Variants in GALNT17 observed in about 807,000 individuals in gnomAD.
GALNT17 encodes UDP-GalNAc:polypeptide N-acetylgalactosaminyltransferase-like 3.
Under a neutral mutation model 63.7 loss-of-function variants are expected in GALNT17, and 29 were observed. The observed-to-expected ratio is 0.46, with a 90% CI of 0.34 to 0.62. The LOEUF is 0.62. Among genes scored for constraint, GALNT17 ranks in the 20% least tolerant of loss-of-function variants. GALNT17 has a pLI of 0.01. For synonymous variants in GALNT17, 305 were observed against 318.3 expected, an observed-to-expected ratio of 0.96 and a Z score of 0.45; for missense variants, 603 against 799.6, an observed-to-expected ratio of 0.75 and a Z score of 2.97.
At chr7:71,153,588 A>G (rs932267667) in intron 1 of GALNT17, among the ~76,000 whole-genome samples, 6 of 152,166 alleles carry the variant, frequency 3.9e-5, no homozygotes, top group Non-Finnish European at 8.8e-5. Flanking sequence ...CTAGAGGAAT[A>G]GGAAACAATT....
At chr7:71,657,815 G>A (rs902186862) in intron 6 of GALNT17, among the ~76,000 whole-genome samples, 1 of 152,078 alleles carries the variant, frequency 6.6e-6, no homozygotes, top group Non-Finnish European at 1.5e-5. Context: ...TAGGGCTGGG[G>A]TGGGATCCAG....
At chr7:71,377,110 A>AAT (rs1316601541) in intron 2 of GALNT17, among the ~76,000 whole-genome samples, 4 of 63,482 alleles carry the variant, frequency 6.3e-5, no homozygotes, top group African/African-American at 3.1e-4. Context: ...ATAAAAATAA[A>AAT]AAAAATATAT....
chr7:71,308,683 G>A (rs908206091), intron 1 of GALNT17, among the ~76,000 whole-genome samples: 9 of 152,000 alleles, frequency 5.9e-5, no homozygotes, highest in Non-Finnish European at 1.2e-4. Context: ...ACAGGTATTG[G>A]GGAAGACAAG....
rs909871770 is a variant in GALNT17 at position 71,388,888 on chromosome 7, A to G, written c.589+487A>G. Among the ~76,000 whole-genome samples the G allele has an allele frequency of 2.0e-5, 3 of 152,072 alleles. No individual in the cohort carries two copies. In the East Asian group the frequency reaches 5.8e-4, roughly 29 times the overall value. On this transcript the variant is annotated intron_variant, in intron 3 of 10. Coordinates refer to ENST00000333538, the MANE Select transcript of GALNT17 (RefSeq NM_022479.3). ...TAGTCTATTATTCCTTGAGTCCTCT[A>G]GAGCAGGGGTCCCCAACCCCAGGGC...
At chr7:71,461,683 G>A (rs1787452932) in intron 5 of GALNT17, among the ~76,000 whole-genome samples, 1 of 152,196 alleles carries the variant, frequency 6.6e-6, no homozygotes, top group Admixed American at 6.5e-5. Flanking sequence ...CCGCAGGGGA[G>A]GAATGAGGCA....
At chr7:71,475,356 G>GT (rs1293867124) in intron 5 of GALNT17, among the ~76,000 whole-genome samples, 1 of 152,174 alleles carries the variant, frequency 6.6e-6, no homozygotes, top group Non-Finnish European at 1.5e-5. Flanking sequence ...CCCTGAGCTT[G>GT]TTTTCCTGCA....
At chr7:71,227,764 T>A (rs1489964577) in intron 1 of GALNT17, among the ~76,000 whole-genome samples, 1 of 152,196 alleles carries the variant, frequency 6.6e-6, no homozygotes, top group Non-Finnish European at 1.5e-5. Flanking sequence ...AGCCATGAAT[T>A]TTTTTATGAG....
chr7:71,157,266 T>G (rs956793476), intron 1 of GALNT17, among the ~76,000 whole-genome samples: 1 of 152,110 alleles, frequency 6.6e-6, no homozygotes, highest in Admixed American at 6.5e-5. Context: ...TGTTGAGTTG[T>G]CATAAGGCTG....
At chr7:71,240,430 C>G (rs1200432384) in intron 1 of GALNT17, among the ~76,000 whole-genome samples, 2 of 152,110 alleles carry the variant, frequency 1.3e-5, no homozygotes, top group Non-Finnish European at 1.5e-5. Flanking sequence ...CCCTTCTTGT[C>G]TCCCTCTATT....
intron 1 of GALNT17, among the ~76,000 whole-genome samples, chr7:71,148,457 T>C (rs902236831): frequency 1.3e-5 from 2 of 152,184 alleles, no homozygotes; most frequent in African/African-American, 4.8e-5. Flanking sequence ...TGACCAACTT[T>C]GCTTCAAGAG....
At chr7:71,346,580 C>T (rs538653461) in intron 2 of GALNT17, among the ~76,000 whole-genome samples, 1 of 152,086 alleles carries the variant, frequency 6.6e-6, no homozygotes, top group Non-Finnish European at 1.5e-5. Context: ...TGGATTCAAA[C>T]CCAGCTCTGT....
chr7:71,318,046 C>T lies in GALNT17; in HGVS notation c.239-17504C>T, dbSNP rs529565318. Among the ~76,000 whole-genome samples, 66 of 152,090 alleles carry T rather than the reference C, an allele frequency of 4.3e-4. 2 individuals carry two copies. In the South Asian group the frequency reaches 0.013, roughly 30 times the overall value. ...AAGTGATCCTCCTACCTCAGCCTCC[C>T]GAATAGCTGGGACCACGCCCGACTA... On this transcript the variant is annotated intron_variant, in intron 1 of 10. Transcript: ENST00000333538.
At chr7:71,693,309 C>CACACAT (rs1554325721) in intron 9 of GALNT17, among the ~76,000 whole-genome samples, 37 of 124,182 alleles carry the variant, frequency 3.0e-4, no homozygotes, top group African/African-American at 1.1e-3. Flanking sequence ...CACACACACA[C>CACACAT]ATATATATAT....
intron 10 of GALNT17, among the ~76,000 whole-genome samples, chr7:71,711,733 C>T (rs1350457828): frequency 6.7e-6 from 1 of 149,778 alleles, no homozygotes; most frequent in Non-Finnish European, 1.5e-5. Context: ...TTTTCTACCC[C>T]TCCTCCCTTT....
intron 1 of GALNT17, among the ~76,000 whole-genome samples, chr7:71,231,749 G>A (rs571654445): frequency 9.2e-4 from 134 of 145,670 alleles, no homozygotes; most frequent in Non-Finnish European, 1.6e-3. Flanking sequence ...GGAGGGAGAG[G>A]GAGAGAGAGA....
At chr7:71,573,046 G>T (rs1389832430) in intron 6 of GALNT17, among the ~76,000 whole-genome samples, 1 of 151,546 alleles carries the variant, frequency 6.6e-6, no homozygotes, top group Non-Finnish European at 1.5e-5. Flanking sequence ...GTCTTGCTTT[G>T]TTGCCCAGGC....
rs768678431 is a variant in GALNT17 at position 71,496,929 on chromosome 7, AT to A, written c.963-74355del. 8.9e-3 allele frequency among the ~76,000 whole-genome samples: 1,335 copies of A among 150,684 alleles called. 38 individuals carry two copies. Among genetic ancestry groups the A allele is most frequent in the Non-Finnish European group, 6.9e-3 (470 of 67,738 alleles). On this transcript the variant is annotated intron_variant, in intron 5 of 10. Transcript: ENST00000333538. ...TCTATACAAAAATTAAAAAAAAAAAATAACCAAGTATGATGGCATGCACCTG... is the reference window on the plus strand; with the variant it reads ...TCTATACAAAAATTAAAAAAAAAAAAAACCAAGTATGATGGCATGCACCTG...
intron 3 of GALNT17, among the ~76,000 whole-genome samples, chr7:71,404,845 T>C (rs1234932632): frequency 6.6e-6 from 1 of 152,172 alleles, no homozygotes; most frequent in Non-Finnish European, 1.5e-5. Flanking sequence ...GCACTGACCA[T>C]AGTCAGCAGA....
At chr7:71,619,931 T>C (rs1028797161) in intron 6 of GALNT17, among the ~76,000 whole-genome samples, 1 of 152,204 alleles carries the variant, frequency 6.6e-6, no homozygotes, top group African/African-American at 2.4e-5. Flanking sequence ...TGGTTTGTCA[T>C]AGATGGCTCT....
Sources: allele counts gnomAD v4.1 joint callset (sites outside exome capture counted in the v4.1 genomes callset), GRCh38; gene constraint gnomAD v4.1.1; transcripts MANE v1.5; gene names NCBI Gene and HGNC (gene_info 2026-07-23, HGNC 2026-07-21).